Variants in PLEKHA1 observed in about 807,000 individuals in gnomAD.
PLEKHA1 encodes pleckstrin homology domain containing A1.
Under a neutral mutation model 52.0 loss-of-function variants are expected in PLEKHA1, and 34 were observed. The ratio of observed to expected loss-of-function variants is 0.65; its 90% CI spans 0.50 to 0.87. PLEKHA1 has a LOEUF of 0.87. PLEKHA1 is among the 40% of genes least tolerant of loss of function. The pLI, the probability that PLEKHA1 is intolerant of heterozygous loss-of-function variation, is 0.00. For synonymous variants in PLEKHA1, 163 were observed against 170.7 expected, an observed-to-expected ratio of 0.95 and a Z score of 0.35; for missense variants, 497 against 504.2, an observed-to-expected ratio of 0.99 and a Z score of 0.14.
At chr10:122,428,576 A>C (rs2097373513) in intron 11 of PLEKHA1, among the ~76,000 whole-genome samples, 2 of 152,214 alleles carry the variant, frequency 1.3e-5, no homozygotes. Context: ...TTAACATATA[A>C]AAATTAATAT....
chr10:122,441,508 T>C, the PLEKHA1 span: 1 of 152,086 alleles, frequency 6.6e-6, no homozygotes, highest in South Asian at 2.1e-4. Context: ...CCCTAAGATA[T>C]CCATTATCCA....
intron 5 of PLEKHA1, among the ~76,000 whole-genome samples, chr10:122,410,890 A>G (rs1247051323): frequency 2.6e-5 from 4 of 151,990 alleles, no homozygotes; most frequent in Non-Finnish European, 5.9e-5. Flanking sequence ...AGTTGAATAG[A>G]TTGTTTTCTC....
intron 4 of PLEKHA1, among the ~76,000 whole-genome samples, chr10:122,402,720 C>T (rs1377282401): frequency 6.6e-6 from 1 of 152,108 alleles, no homozygotes; most frequent in Non-Finnish European, 1.5e-5. Context: ...AGACACCCTT[C>T]TTCTGTCCCA....
intron 7 of PLEKHA1, among the ~76,000 whole-genome samples, chr10:122,416,210 T>G (rs2097172515): frequency 6.6e-6 from 1 of 152,236 alleles, no homozygotes; most frequent in South Asian, 2.1e-4. Context: ...GCCAGGAAAG[T>G]TAATGCCCAT....
intron 11 of PLEKHA1, among the ~76,000 whole-genome samples, 183 bp from the exon 12 acceptor site, chr10:122,429,441 T>A (rs1381133319): frequency 6.6e-6 from 1 of 151,848 alleles, no homozygotes. Context: ...TAAAAACGCG[T>A]TGCTTTGGGA....
chr10:122,389,143 A>G (rs1446245481), intron 1 of PLEKHA1, among the ~76,000 whole-genome samples: 3 of 152,234 alleles, frequency 2.0e-5, no homozygotes, highest in Admixed American at 1.3e-4. Flanking sequence ...TACTTTGCCC[A>G]GATCTATCAG....
chr10:122,387,114 A>G (rs2096710684), intron 1 of PLEKHA1: 1 of 152,164 alleles, frequency 6.6e-6, no homozygotes, highest in Admixed American at 6.5e-5. Flanking sequence ...GATCTTTTCA[A>G]GAAACAGCTT....
chr10:122,379,569 T>A (rs1237509899), intron 1 of PLEKHA1, among the ~76,000 whole-genome samples: 2 of 152,236 alleles, frequency 1.3e-5, no homozygotes, highest in Non-Finnish European at 2.9e-5. Context: ...GACCTCCTTC[T>A]TTTCCCTGCG....
intron 4 of PLEKHA1, among the ~76,000 whole-genome samples, chr10:122,404,259 C>T (rs2096973367): frequency 6.6e-6 from 1 of 151,924 alleles, no homozygotes; most frequent in African/African-American, 2.4e-5. Context: ...TAGATCATAC[C>T]TATATATCTA....
intron 1 of PLEKHA1, among the ~76,000 whole-genome samples, chr10:122,390,881 C>T (rs2096766537): frequency 6.6e-6 from 1 of 152,132 alleles, no homozygotes; most frequent in Non-Finnish European, 1.5e-5. Flanking sequence ...AATTGTTTTA[C>T]ACAGCTGTTG....
the PLEKHA1 span, chr10:122,439,916 T>C: frequency 2.0e-5 from 3 of 152,352 alleles, no homozygotes; most frequent in Admixed American, 6.5e-5. Flanking sequence ...TGATCAATTA[T>C]ATCCATAGAA....
chr10:122,421,634 A>G (rs1344219515), intron 8 of PLEKHA1: 1 of 152,156 alleles, frequency 6.6e-6, no homozygotes, highest in Non-Finnish European at 1.5e-5. Context: ...GTTTGTTTCA[A>G]AGATTAAAAA....
At chr10:122,426,290 AT>A (rs201108557) in intron 10 of PLEKHA1, among the ~76,000 whole-genome samples, 22,131 of 139,054 alleles carry the variant, frequency 0.16, 1,681 homozygotes, top group Middle Eastern at 0.22. Context: ...GGCTACTTGT[AT>A]TTTTTTTTTT....
At position 122,420,853 on chromosome 10, in the gene PLEKHA1, C is replaced by A. The variant is rs2097250712; in HGVS notation, c.681+2885C>A. 2 of 152,184 alleles carry A rather than the reference C, an allele frequency of 1.3e-5. 1 individual carries two copies. Among genetic ancestry groups the A allele is most frequent in the South Asian group, 4.1e-4 (2 of 4,824 alleles). 9.4% of individuals were successfully genotyped at this position (152,184 alleles called of 1,614,324 possible). On this transcript the variant is annotated intron_variant, in intron 8 of 11. Transcript: ENST00000368990. ...AGGCTGTCCTCTTGGGGGGTTAGCC[C>A]CACGCGGAGTAGGGAGAGAAGGGCA...
chr10:122,439,228 T>C, the PLEKHA1 span: 7 of 152,172 alleles, frequency 4.6e-5, no homozygotes, highest in Non-Finnish European at 8.8e-5. Flanking sequence ...TAAATCCCAT[T>C]TGGTCAAGAT....
intron 5 of PLEKHA1, among the ~76,000 whole-genome samples, chr10:122,406,980 A>G (rs751896463): frequency 6.6e-6 from 1 of 152,190 alleles, no homozygotes; most frequent in Non-Finnish European, 1.5e-5. Flanking sequence ...CCGGGAGGAT[A>G]TATATTTTTC....
chr10:122,375,414 T>C (rs2096516833), intron 1 of PLEKHA1, among the ~76,000 whole-genome samples: 1 of 152,236 alleles, frequency 6.6e-6, no homozygotes, highest in Non-Finnish European at 1.5e-5. Flanking sequence ...CCTCCGCACC[T>C]TCGGGGCAGG....
chr10:122,397,021 C>T (rs1357188593), intron 2 of PLEKHA1, among the ~76,000 whole-genome samples: 1 of 152,108 alleles, frequency 6.6e-6, no homozygotes, highest in Non-Finnish European at 1.5e-5. Context: ...TTTAGGTCCT[C>T]TATGATTAGG....
intron 4 of PLEKHA1, 56 bp downstream of exon 4, chr10:122,400,444 T>C (rs2096912015): frequency 6.7e-7 from 1 of 1,486,216 alleles, no homozygotes; most frequent in Non-Finnish European, 9.1e-7. Flanking sequence ...TATCATATTG[T>C]AAAAGAAAAC....
Sources: allele counts gnomAD v4.1 joint callset (sites outside exome capture counted in the v4.1 genomes callset), GRCh38; gene constraint gnomAD v4.1.1; transcripts MANE v1.5; gene names NCBI Gene and HGNC (gene_info 2026-07-23, HGNC 2026-07-21).